Variants in ABLIM1 observed in about 807,000 individuals in gnomAD.
The protein encoded by ABLIM1 is actin-binding LIM protein 1.
A neutral mutation model predicts 107.0 loss-of-function variants in ABLIM1; 40 were observed. The observed-to-expected ratio is 0.37, with a 90% CI of 0.29 to 0.49. The LOEUF (loss-of-function observed/expected upper bound fraction) is 0.49, where lower values mean the gene tolerates loss of function less well. Among genes scored for constraint, ABLIM1 ranks in the 20% least tolerant of loss-of-function variants. The pLI is 0.97. For missense variants in ABLIM1, 857 were observed against 1,008.5 expected (o/e 0.85, Z 2.04); for synonymous variants, 357 against 357.3 (o/e 1.00, Z 0.01).
chr10:114,612,179 G>A (rs1440744005), intron 1 of ABLIM1, among the ~76,000 whole-genome samples: 1 of 152,140 alleles, frequency 6.6e-6, no homozygotes, highest in East Asian at 1.9e-4. Context: ...ACCTTTAAGA[G>A]GTGATTCAGT....
intron 4 of ABLIM1, among the ~76,000 whole-genome samples, chr10:114,570,317 C>G (rs1342454779): frequency 6.6e-6 from 1 of 152,122 alleles, no homozygotes; most frequent in Non-Finnish European, 1.5e-5. Context: ...ATTGGCCACT[C>G]TTTTTATTTG....
intron 1 of ABLIM1, among the ~76,000 whole-genome samples, chr10:114,727,979 G>C (rs527931266): frequency 1.3e-5 from 2 of 151,986 alleles, no homozygotes; most frequent in Admixed American, 1.3e-4. Flanking sequence ...AAACAAACTG[G>C]GAGATGTGTA....
intron 1 of ABLIM1, among the ~76,000 whole-genome samples, chr10:114,609,477 A>G (rs894002210): frequency 1.3e-5 from 2 of 152,200 alleles, no homozygotes; most frequent in South Asian, 2.1e-4. Flanking sequence ...GAATATCTGT[A>G]CCATCACCAA....
chr10:114,576,400 G>C (rs766378181), intron 2 of ABLIM1, among the ~76,000 whole-genome samples: 1 of 152,206 alleles, frequency 6.6e-6, no homozygotes, highest in Non-Finnish European at 1.5e-5. Context: ...TGGCTGAGAA[G>C]CAACAGCCAA....
rs79787389 is a variant in ABLIM1, at chr10:114,614,494, T to C, written c.245-12533A>G. Among the ~76,000 whole-genome samples the C allele has an allele frequency of 9.9e-4, 150 of 152,096 alleles. 1 individual carries two copies. The East Asian group carries it at 0.025, about 26-fold the overall frequency. On this transcript the variant is annotated intron_variant, in intron 1 of 22. Transcript: ENST00000533213. ...ACCAACACATCCCCACCCCAGCAAA[T>C]GTCCTCAATATCATTACATCTCTGC...
intron 11 of ABLIM1, among the ~76,000 whole-genome samples, chr10:114,467,264 A>C (rs2065375292): frequency 6.6e-6 from 1 of 152,258 alleles, no homozygotes; most frequent in Non-Finnish European, 1.5e-5. Context: ...TAATAAGTAC[A>C]AAAAACCACA....
At chr10:114,609,770 T>A (rs942678350) in intron 1 of ABLIM1, among the ~76,000 whole-genome samples, 1 of 152,204 alleles carries the variant, frequency 6.6e-6, no homozygotes, top group Non-Finnish European at 1.5e-5. Context: ...TACTATATTA[T>A]TATAACAAGT....
Position 114,739,584 on chromosome 10 carries a change from A to G in ABLIM1, c.-213+28477T>C, listed in dbSNP as rs1018192851. Among the ~76,000 whole-genome samples, 7 of 152,306 alleles carry G rather than the reference A, an allele frequency of 4.6e-5. No individual in the cohort carries two copies. In the East Asian group the frequency reaches 1.3e-3, roughly 29 times the overall value. On this transcript the variant is annotated intron_variant, in intron 1 of 15. Transcript: ENST00000651092. ...TGAGGCTGGATTTTTTTTTAACTTA[A>G]TATCATCCAGTATTTTTTTAAAAAA... is the stretch of plus-strand genomic sequence containing the variant.
upstream of ABLIM1, among the ~76,000 whole-genome samples, chr10:114,660,002 G>A (rs2079718139): frequency 6.6e-6 from 1 of 152,164 alleles, no homozygotes; most frequent in Admixed American, 6.5e-5. Context: ...CAATTTGCTA[G>A]AATTATTCTA....
chr10:114,550,962 A>T (rs186255661), intron 4 of ABLIM1, among the ~76,000 whole-genome samples: 36 of 152,328 alleles, frequency 2.4e-4, no homozygotes, highest in Admixed American at 2.0e-3. Flanking sequence ...ATGACAATGG[A>T]TGGGCTCAGG....
intron 3 of ABLIM1, among the ~76,000 whole-genome samples, chr10:114,575,161 G>T (rs2138947826): frequency 6.6e-6 from 1 of 152,234 alleles, no homozygotes; most frequent in African/African-American, 2.4e-5. Flanking sequence ...AAAATGTTTT[G>T]AGACCCAGAG....
intron 2 of ABLIM1, among the ~76,000 whole-genome samples, chr10:114,589,222 T>G (rs1182724679): frequency 6.6e-6 from 1 of 150,738 alleles, no homozygotes; most frequent in South Asian, 2.1e-4. Context: ...TGTGTGTTTT[T>G]TTTTTTTTTT....
intron 1 of ABLIM1, among the ~76,000 whole-genome samples, chr10:114,764,114 A>C (rs2082822329): frequency 6.6e-6 from 1 of 152,190 alleles, no homozygotes; most frequent in African/African-American, 2.4e-5. Context: ...CAAGTGTTAT[A>C]ATTTCCTCTA....
At chr10:114,597,755 A>G (rs973206488) in intron 2 of ABLIM1, among the ~76,000 whole-genome samples, 1 of 152,166 alleles carries the variant, frequency 6.6e-6, no homozygotes, top group African/African-American at 2.4e-5. Context: ...TGCTGAAAAC[A>G]GCTGCCTTTG....
rs11405856 is a variant in ABLIM1 at position 114,728,592 on chromosome 10, C to CAAA, written c.-213+39466_-213+39468dup. Among the ~76,000 whole-genome samples, 770 of 125,384 alleles carry CAAA rather than the reference C, an allele frequency of 6.1e-3. 5 individuals are homozygous for CAAA. The highest frequency in any genetic ancestry group is 0.013 in the Middle Eastern group (3 of 238). The allele number at this position is 125,384 out of a possible 152,430, so 82.3% of individuals were successfully genotyped here. On this transcript the variant is annotated intron_variant, in intron 1 of 15. Coordinates refer to the ABLIM1 transcript ENST00000651092. Reference sequence around the variant, plus strand: ...TAATCTGAAAGACAAAATGGAGAGCCAAAAAAAAAAAAAATAGAAAAAACA... The same window carrying CAAA: ...TAATCTGAAAGACAAAATGGAGAGCCAAAAAAAAAAAAAAAAATAGAAAAAACA...
At chr10:114,579,789 A>C (rs532902272) in intron 2 of ABLIM1, among the ~76,000 whole-genome samples, 1 of 152,278 alleles carries the variant, frequency 6.6e-6, no homozygotes, top group South Asian at 2.1e-4. Context: ...TCTACTTTCT[A>C]TCTCTATGAA....
chr10:114,473,948 C>T lies in ABLIM1; in HGVS notation c.1050G>A (p.Arg350=), dbSNP rs1005601206. The change falls in exon 9 of 23, where the codon AGG becomes AGA. Residue 350 remains arginine (R), a synonymous_variant. Coordinates refer to ENST00000533213, the MANE Select transcript of ABLIM1 (RefSeq NM_002313.7). ...TKTEEKLRPT[R]TSSESIYSRP... ...TAGAATAAATACTTTCCGAGGATGT[C>T]CTGGTAGGCTGTAAAATAAACAGTG... is the stretch of plus-strand genomic sequence containing the variant. 2.5e-6 allele frequency: 4 copies of T among 1,613,472 alleles called. No individual in the cohort carries two copies. Among genetic ancestry groups the T allele is most frequent in the South Asian group, 2.2e-5 (2 of 91,054 alleles).
At chr10:114,519,090 G>A (rs2063340173) in intron 6 of ABLIM1, among the ~76,000 whole-genome samples, 2 of 152,142 alleles carry the variant, frequency 1.3e-5, no homozygotes, top group Non-Finnish European at 2.9e-5. Context: ...GATAGCTTTG[G>A]TTTGTACAGC....
chr10:114,626,919 A>C (rs1184677119), intron 1 of ABLIM1, among the ~76,000 whole-genome samples: 1 of 152,176 alleles, frequency 6.6e-6, no homozygotes, highest in Non-Finnish European at 1.5e-5. Context: ...AAGCCAAGGA[A>C]CACCAAAGAT....
Sources: allele counts gnomAD v4.1 joint callset (sites outside exome capture counted in the v4.1 genomes callset), GRCh38; gene constraint gnomAD v4.1.1; transcripts MANE v1.5; gene names NCBI Gene and HGNC (gene_info 2026-07-23, HGNC 2026-07-21).